AGMO: variants seen among roughly 807,000 people sequenced by gnomAD.
AGMO encodes alkylglycerol monooxygenase.
In AGMO, 75 loss-of-function variants were observed where a neutral mutation model predicts 60.2. The observed-to-expected ratio is 1.25, with a 90% CI of 1.03 to 1.51. The LOEUF is 1.51. Ranked by LOEUF, AGMO falls within the 40% of genes most tolerant of loss-of-function variation. AGMO has a pLI of 0.00. For missense variants in AGMO, 763 were observed against 525.5 expected, an observed-to-expected ratio of 1.45 and a Z score of -4.42; for synonymous variants, 261 against 177.1, an observed-to-expected ratio of 1.47 and a Z score of -3.76.
chr7:15,397,323 C>G lies in AGMO; in HGVS notation c.610-3144G>C, dbSNP rs535511179. On this transcript the variant is annotated intron_variant, in intron 5 of 12. Coordinates refer to ENST00000342526, the MANE Select transcript of AGMO (RefSeq NM_001004320.2). ...GTGCGCGGTCCACCGAACCCGCAGCCGCCCGGAACCCGAGCCGGCCCGCGA... is the reference window on the plus strand; with the variant it reads ...GTGCGCGGTCCACCGAACCCGCAGCGGCCCGGAACCCGAGCCGGCCCGCGA... Among the ~76,000 whole-genome samples, 46 of 151,868 alleles carry G rather than the reference C, an allele frequency of 3.0e-4. 1 individual carries two copies. In the South Asian group the frequency reaches 9.5e-3, roughly 31 times the overall value.
At chr7:15,302,433 G>A (rs1780471848) in intron 12 of AGMO, among the ~76,000 whole-genome samples, 1 of 152,154 alleles carries the variant, frequency 6.6e-6, no homozygotes, top group East Asian at 1.9e-4. Context: ...GCAATAAAAG[G>A]TATACAGTAT....
In AGMO at chr7:15,342,321, G is replaced by A. The variant is rs564981319; in HGVS notation, c.1263+23193C>T. On this transcript the variant is annotated intron_variant, in intron 12 of 12. Coordinates refer to ENST00000342526, the MANE Select transcript of AGMO (RefSeq NM_001004320.2). The stretch of plus-strand genomic sequence containing the variant: ...CAAGTGTGCAATGCTGTGAAGACCA[G>A]AAAACAAAGGAGGGAAAGGTCAAAA... Among the ~76,000 whole-genome samples, 12 of 151,982 alleles carry A rather than the reference G, an allele frequency of 7.9e-5. No individual in the cohort carries two copies. In the South Asian group the frequency reaches 2.3e-3, roughly 29 times the overall value.
intron 12 of AGMO, among the ~76,000 whole-genome samples, chr7:15,317,987 T>C (rs1458710133): frequency 2.0e-5 from 3 of 148,304 alleles, no homozygotes; most frequent in Non-Finnish European, 3.0e-5. Context: ...CGTATATATA[T>C]ATACACGTAT....
intron 12 of AGMO, among the ~76,000 whole-genome samples, chr7:15,329,042 A>G (rs1781426018): frequency 6.6e-6 from 1 of 152,100 alleles, no homozygotes; most frequent in African/African-American, 2.4e-5. Context: ...TACATCCTTC[A>G]CTATCCTTCC....
intron 5 of AGMO, among the ~76,000 whole-genome samples, chr7:15,397,970 G>A (rs573632091): frequency 6.6e-6 from 1 of 152,170 alleles, no homozygotes; most frequent in Non-Finnish European, 1.5e-5. Context: ...GGAAAATAGA[G>A]AACAAGAAAG....
chr7:15,197,719 T>C (rs1209546275), downstream of AGMO, among the ~76,000 whole-genome samples: 1 of 152,238 alleles, frequency 6.6e-6, no homozygotes, highest in East Asian at 1.9e-4. Context: ...ATTCACCCTG[T>C]CAATTAATCT....
intron 12 of AGMO, among the ~76,000 whole-genome samples, chr7:15,276,618 C>G (rs1783797210): frequency 6.6e-6 from 1 of 152,150 alleles, no homozygotes; most frequent in African/African-American, 2.4e-5. Flanking sequence ...TCATTATTCA[C>G]TCAAATGTGT....
At chr7:15,152,225 TG>T in the AGMO span, among the ~76,000 whole-genome samples, 1 of 152,206 alleles carries the variant, frequency 6.6e-6, no homozygotes, top group Admixed American at 6.5e-5. Context: ...TTTTTTGTTT[TG>T]TTTTTGTTTT....
chr7:15,358,393 A>G (rs545113321), intron 12 of AGMO: 4 of 471,234 alleles, frequency 8.5e-6, no homozygotes, highest in East Asian at 1.4e-4. Context: ...GGAAAGGATA[A>G]TAAGAAGGCA....
At chr7:15,429,885 C>A (rs1781177565) in intron 4 of AGMO, among the ~76,000 whole-genome samples, 1 of 151,902 alleles carries the variant, frequency 6.6e-6, no homozygotes, top group Non-Finnish European at 1.5e-5. Context: ...ATCTAGAGAA[C>A]CATAGGCTTA....
At chr7:15,267,464 A>T (rs12112499) in intron 12 of AGMO, among the ~76,000 whole-genome samples, 3,955 of 152,126 alleles carry the variant, frequency 0.026, 171 homozygotes, top group African/African-American at 0.091. Context: ...ATTGACATGC[A>T]CCAAAAATGA....
intron 3 of AGMO, among the ~76,000 whole-genome samples, chr7:15,456,080 A>G (rs1781992121): frequency 6.6e-6 from 1 of 151,974 alleles, no homozygotes; most frequent in South Asian, 2.1e-4. Context: ...TTTCTTATCT[A>G]TGTCTATGTT....
the AGMO span, among the ~76,000 whole-genome samples, chr7:15,181,860 G>A: frequency 6.6e-6 from 1 of 152,042 alleles, no homozygotes; most frequent in Non-Finnish European, 1.5e-5. Context: ...TTTTAAGGGT[G>A]GTGCAGATAA....
At chr7:15,220,208 CTTTTTT>C (rs904364065) in intron 12 of AGMO, among the ~76,000 whole-genome samples, 6 of 109,532 alleles carry the variant, frequency 5.5e-5, no homozygotes, top group African/African-American at 8.3e-5. Context: ...CTGACTGTGC[CTTTTTT>C]TTTTTTTTTT....
At chr7:15,539,033 A>G (rs1435119734) in intron 3 of AGMO, among the ~76,000 whole-genome samples, 1 of 152,334 alleles carries the variant, frequency 6.6e-6, no homozygotes, top group East Asian at 1.9e-4. Flanking sequence ...GGACTAAACA[A>G]AATTTTGTAG....
intron 12 of AGMO, among the ~76,000 whole-genome samples, chr7:15,256,465 C>T (rs1312950408): frequency 2.0e-5 from 3 of 152,166 alleles, no homozygotes; most frequent in Admixed American, 6.5e-5. Flanking sequence ...GCCTCAGCCT[C>T]CCGAGTAGCT....
chr7:15,368,500 A>G (rs1783073127), intron 10 of AGMO, among the ~76,000 whole-genome samples: 1 of 152,136 alleles, frequency 6.6e-6, no homozygotes, highest in African/African-American at 2.4e-5. Context: ...CCTATCACCC[A>G]TGTAAACATG....
At chr7:15,438,356 T>C (rs1243244659) in intron 3 of AGMO, among the ~76,000 whole-genome samples, 1 of 152,114 alleles carries the variant, frequency 6.6e-6, no homozygotes, top group African/African-American at 2.4e-5. Context: ...AACTCATACA[T>C]TTCCCAGAAC....
chr7:15,407,774 C>CT (rs576581078), intron 5 of AGMO, among the ~76,000 whole-genome samples: 3,183 of 151,698 alleles, frequency 0.021, 104 homozygotes, highest in African/African-American at 0.074. Context: ...AAATGAGAAA[C>CT]TTTTTTTGCT....
Sources: allele counts gnomAD v4.1 joint callset (sites outside exome capture counted in the v4.1 genomes callset), GRCh38; gene constraint gnomAD v4.1.1; transcripts MANE v1.5; gene names NCBI Gene and HGNC (gene_info 2026-07-23, HGNC 2026-07-21).